The following GRIP1 variants were observed in gnomAD, a reference collection of about 807,000 sequenced individuals.
GRIP1 encodes the protein glutamate receptor-interacting protein 1.
A neutral mutation model predicts 129.9 loss-of-function variants in GRIP1; 45 were observed. The ratio of observed to expected loss-of-function variants is 0.35; its 90% CI spans 0.27 to 0.44. The LOEUF (loss-of-function observed/expected upper bound fraction) is 0.44. Ranked by LOEUF, GRIP1 falls within the 20% of genes least tolerant of loss-of-function variation. The pLI is 1.00. For missense variants in GRIP1, 1,196 were observed against 1,396.8 expected (o/e 0.86, Z 2.29); for synonymous variants, 530 against 520.8 (o/e 1.02, Z -0.24).
chr12:66,479,641 C>A (rs1275367580), intron 7 of GRIP1, among the ~76,000 whole-genome samples: 2 of 152,160 alleles, frequency 1.3e-5, no homozygotes, highest in African/African-American at 4.8e-5. Context: ...AGTCCAGTAT[C>A]CCTGATGAAC....
chr12:66,561,485 TA>T (rs930677342), intron 2 of GRIP1, among the ~76,000 whole-genome samples: 3 of 150,026 alleles, frequency 2.0e-5, no homozygotes, highest in East Asian at 3.9e-4. Context: ...AATTAAAAAC[TA>T]AAAAAAAAGA....
intron 1 of GRIP1, among the ~76,000 whole-genome samples, chr12:66,642,970 T>C (rs2032061431): frequency 1.3e-5 from 2 of 152,280 alleles, no homozygotes; most frequent in African/African-American, 2.4e-5. Flanking sequence ...AATAACAAAA[T>C]ATATTCTAGA....
intron 2 of GRIP1, among the ~76,000 whole-genome samples, chr12:66,554,069 C>T (rs2062233291): frequency 6.6e-6 from 1 of 152,176 alleles, no homozygotes; most frequent in South Asian, 2.1e-4. Flanking sequence ...TAGTAAGATA[C>T]CAGCTGGGGT....
At chr12:66,617,383 CTTAA>C (rs2065089176) in intron 1 of GRIP1, among the ~76,000 whole-genome samples, 2 of 149,338 alleles carry the variant, frequency 1.3e-5, no homozygotes, top group African/African-American at 4.9e-5. Context: ...GGCTTTAGTT[CTTAA>C]TTGTTTTTAC....
intron 15 of GRIP1, among the ~76,000 whole-genome samples, chr12:66,417,541 C>T (rs1857280186): frequency 3.9e-5 from 6 of 152,056 alleles, no homozygotes; most frequent in Admixed American, 3.9e-4. Flanking sequence ...TTTGGAAAAA[C>T]CTGAAGACTC....
chr12:66,875,563 T>C (rs2040369143), intron 1 of GRIP1, among the ~76,000 whole-genome samples: 1 of 152,052 alleles, frequency 6.6e-6, no homozygotes, highest in Non-Finnish European at 1.5e-5. Flanking sequence ...AGTAATTAAA[T>C]TCCATGCACA....
intron 1 of GRIP1, among the ~76,000 whole-genome samples, chr12:66,968,822 C>T (rs2042033613): frequency 1.3e-5 from 2 of 152,092 alleles, no homozygotes; most frequent in Non-Finnish European, 2.9e-5. Context: ...GATGTTCTTT[C>T]CTTAATGTTG....
intron 1 of GRIP1, among the ~76,000 whole-genome samples, chr12:66,735,752 C>T (rs574619908): frequency 6.6e-6 from 1 of 152,220 alleles, no homozygotes; most frequent in East Asian, 1.9e-4. Context: ...GCAGGGCAAT[C>T]GATCATAAGT....
intron 1 of GRIP1, among the ~76,000 whole-genome samples, chr12:66,940,514 G>A (rs1412066867): frequency 6.6e-6 from 1 of 152,026 alleles, no homozygotes; most frequent in Non-Finnish European, 1.5e-5. Context: ...TCTCCTAAAG[G>A]TGGCAGTGCA....
chr12:66,621,474 G>A (rs1405015586), intron 1 of GRIP1, among the ~76,000 whole-genome samples: 1 of 129,568 alleles, frequency 7.7e-6, no homozygotes, highest in African/African-American at 2.8e-5. Context: ...TCCCTTGTAT[G>A]TATACATTTT....
intron 1 of GRIP1, among the ~76,000 whole-genome samples, chr12:66,882,046 T>C (rs955937032): frequency 6.6e-6 from 1 of 152,114 alleles, no homozygotes; most frequent in Admixed American, 6.5e-5. Context: ...TACTGTGTAC[T>C]TGCTCCTTTC....
In GRIP1 at chr12:67,057,881, G is replaced by T. The variant is rs1385383095; in HGVS notation, c.58+11169C>A. 2.0e-5 allele frequency among the ~76,000 whole-genome samples: 3 copies of T among 152,214 alleles called. No homozygotes were observed. In the East Asian group the frequency reaches 5.8e-4, roughly 29 times the overall value. The stretch of plus-strand genomic sequence containing the variant: ...CAAGGTTTTCATTTAACGAAAATGT[G>T]CTCTGCACATACCAGAAAATTATAC... On this transcript the variant is annotated intron_variant, in intron 1 of 1. Transcript: ENST00000643019.
chr12:66,652,631 G>C (rs1379296795), intron 1 of GRIP1, among the ~76,000 whole-genome samples: 1 of 152,212 alleles, frequency 6.6e-6, no homozygotes, highest in Non-Finnish European at 1.5e-5. Flanking sequence ...ATATTAGTCT[G>C]CTAATGACTA....
At chr12:66,518,336 A>G (rs998162526) in intron 5 of GRIP1, among the ~76,000 whole-genome samples, 1 of 152,144 alleles carries the variant, frequency 6.6e-6, no homozygotes, top group African/African-American at 2.4e-5. Context: ...CTGATCTAAA[A>G]TACTGGTCAG....
chr12:66,696,618 TA>T (rs145408403), intron 1 of GRIP1, among the ~76,000 whole-genome samples: 2 of 150,578 alleles, frequency 1.3e-5, no homozygotes, highest in Non-Finnish European at 3.0e-5. Context: ...CCGTCTCTAC[TA>T]AAAAAAACAA....
intron 6 of GRIP1, among the ~76,000 whole-genome samples, chr12:66,516,031 TAAG>T (rs1486127214): frequency 1.3e-5 from 2 of 152,138 alleles, no homozygotes; most frequent in African/African-American, 4.8e-5. Context: ...AGTACAAAAG[TAAG>T]AAGGGCACAT....
At chr12:66,823,344 C>T (rs181789560) in intron 1 of GRIP1, among the ~76,000 whole-genome samples, 14 of 152,004 alleles carry the variant, frequency 9.2e-5, no homozygotes, top group African/African-American at 2.9e-4. Context: ...CAAGTTGCTG[C>T]CTTTGTATTT....
intron 1 of GRIP1, among the ~76,000 whole-genome samples, chr12:66,833,218 G>A (rs564975576): frequency 5.9e-5 from 9 of 152,294 alleles, no homozygotes; most frequent in African/African-American, 1.4e-4. Flanking sequence ...AGGGGCCCCC[G>A]GCTACGGTTC....
At chr12:66,896,336 C>T (rs1255560529) in intron 1 of GRIP1, among the ~76,000 whole-genome samples, 1 of 151,880 alleles carries the variant, frequency 6.6e-6, no homozygotes, top group African/African-American at 2.4e-5. Context: ...GTGTGCAATC[C>T]ACAGGGAAGT....
Sources: gnomAD v4.1 joint callset for allele counts (sites outside exome capture counted in the v4.1 genomes callset) on GRCh38, gnomAD v4.1.1 for gene constraint, MANE v1.5 for transcripts, NCBI Gene and HGNC (gene_info 2026-07-23, HGNC 2026-07-21) for gene names.